Variants in MAPK6 observed in about 807,000 individuals in gnomAD.
MAPK6 encodes mitogen-activated protein kinase 6.
MAPK6 carries 19 observed loss-of-function variants against 59.3 expected under a neutral mutation model. The observed-to-expected ratio is 0.32, with a 90% CI of 0.22 to 0.47. MAPK6 has a LOEUF of 0.47. MAPK6 is among the 20% of genes least tolerant of loss of function. The probability of loss-of-function intolerance (pLI) is 1.00; values close to 1 mark genes in which losing one functional copy is unlikely to be tolerated. For missense variants in MAPK6, 724 were observed against 847.9 expected (o/e 0.85, Z 1.81); for synonymous variants, 316 against 290.3 (o/e 1.09, Z -0.90).
chr15:52,030,767 C>G (rs1222004562), intron 1 of MAPK6, among the ~76,000 whole-genome samples: 2 of 151,156 alleles, frequency 1.3e-5, no homozygotes, highest in Non-Finnish European at 2.9e-5. Flanking sequence ...GCTGGGACTA[C>G]AGGCGTGTGC....
At position 52,064,252 on chromosome 15, in the gene MAPK6, T is replaced by C; in HGVS notation, c.1418T>C (p.Ile473Thr). Reference protein sequence around the residue: ...EVNHYYEPKLIIDLSNWKEQS... With the variant: ...EVNHYYEPKLTIDLSNWKEQS... ...AACCATTACTATGAACCCAAGCTTA[T>C]TATAGATCTTTCCAATTGGAAAGAA... The change falls in exon 6 of 6, where the codon ATT becomes ACT. Residue 473 changes from isoleucine (I) to threonine (T), a missense_variant. Around this residue, in one of 4 missense-constraint regions of MAPK6, gnomAD observed 502 missense variants for 507.6 expected, o/e 0.99. Transcript: ENST00000261845. 6.2e-7 allele frequency: 1 copy of C among 1,610,940 alleles called. No homozygotes were observed.
At chr15:51,976,266 CAAA>C (rs774556505) in intron 1 of MAPK6, among the ~76,000 whole-genome samples, 4 of 45,178 alleles carry the variant, frequency 8.9e-5, no homozygotes, top group Non-Finnish European at 1.5e-4. Context: ...ACTCCCATCT[CAAA>C]AAAAAAAAAA....
At chr15:52,042,839 C>T (rs1044930641) in intron 1 of MAPK6, 1 of 152,110 alleles carries the variant, frequency 6.6e-6, no homozygotes, top group Non-Finnish European at 1.5e-5. Flanking sequence ...AGAAGGTAAG[C>T]GTGAACAAGC....
In MAPK6 at chr15:52,064,980, A is replaced by G; in HGVS notation, c.2146A>G (p.Ile716Val). 3 of 1,608,080 alleles carry G rather than the reference A, an allele frequency of 1.9e-6. No homozygotes were observed. The highest frequency in any genetic ancestry group is 2.5e-6 in the Non-Finnish European group (3 of 1,176,774). ...AATTCCTCATCAAACATACAGCAGCATTCTGAAACATCTGAACTAAAACAC... is the reference window on the plus strand; with the variant it reads ...AATTCCTCATCAAACATACAGCAGCGTTCTGAAACATCTGAACTAAAACAC... ...PQIPHQTYSS[I>V]LKHLN The change falls in exon 6 of 6, where the codon ATT becomes GTT. Residue 716 changes from isoleucine to valine, a missense_variant. Coordinates refer to ENST00000261845, the MANE Select transcript of MAPK6 (RefSeq NM_002748.4).
intron 3 of MAPK6, among the ~76,000 whole-genome samples, chr15:52,054,818 C>T (rs755131077): frequency 5.9e-5 from 9 of 151,926 alleles, no homozygotes; most frequent in African/African-American, 1.9e-4. Context: ...GAGTCTTCCT[C>T]TTGTTGCCTA....
At chr15:52,011,824 TACA>T (rs1184957433) in intron 3 of MAPK6, among the ~76,000 whole-genome samples, 1 of 152,238 alleles carries the variant, frequency 6.6e-6, no homozygotes, top group Non-Finnish European at 1.5e-5. Context: ...CAAATCAAAT[TACA>T]ACGTGTTCTT....
At chr15:51,975,292 C>T (rs955684678) in intron 1 of MAPK6, among the ~76,000 whole-genome samples, 1 of 151,700 alleles carries the variant, frequency 6.6e-6, no homozygotes, top group Non-Finnish European at 1.5e-5. Context: ...CCTGTAATCC[C>T]AGCACTTTGG....
At chr15:52,005,250 T>A (rs954096896) in intron 3 of MAPK6, among the ~76,000 whole-genome samples, 8 of 152,042 alleles carry the variant, frequency 5.3e-5, no homozygotes, top group Non-Finnish European at 8.8e-5. Flanking sequence ...CTGGGCCAGG[T>A]GCGGTGGCTC....
At position 52,048,101 on chromosome 15, in the gene MAPK6, A is replaced by G. The variant is rs367782719; in HGVS notation, c.555+1086A>G. On this transcript the variant is annotated intron_variant, in intron 2 of 5. Transcript: ENST00000261845. Reference sequence around the variant, plus strand: ...TGTTAGCTTTCCACAGTACATGCCTAAGACAAATCTTCATACATGTTGTTT... The same window carrying G: ...TGTTAGCTTTCCACAGTACATGCCTGAGACAAATCTTCATACATGTTGTTT... 1.4e-4 allele frequency among the ~76,000 whole-genome samples: 21 copies of G among 152,286 alleles called. No individual in the cohort carries two copies. The East Asian group carries it at 4.1e-3, about 29-fold the overall frequency.
At chr15:51,991,654 T>C (rs1020481724) in intron 2 of MAPK6, among the ~76,000 whole-genome samples, 1 of 152,196 alleles carries the variant, frequency 6.6e-6, no homozygotes, top group African/African-American at 2.4e-5. Flanking sequence ...GGCTATGTCA[T>C]AGATACATAC....
chr15:51,996,266 T>G (rs2057223973), intron 2 of MAPK6, among the ~76,000 whole-genome samples: 1 of 152,222 alleles, frequency 6.6e-6, no homozygotes, highest in Non-Finnish European at 1.5e-5. Flanking sequence ...CCGCCAAGAT[T>G]GTTGGTCTAC....
At chr15:52,060,413 A>G (rs2032154460) in intron 4 of MAPK6, among the ~76,000 whole-genome samples, 2 of 152,190 alleles carry the variant, frequency 1.3e-5, no homozygotes, top group South Asian at 2.1e-4. Flanking sequence ...TGAGAATGAT[A>G]AAGAAGACCG....
At chr15:51,994,880 A>G (rs1240605474) in intron 2 of MAPK6, among the ~76,000 whole-genome samples, 1 of 152,262 alleles carries the variant, frequency 6.6e-6, no homozygotes, top group Non-Finnish European at 1.5e-5. Context: ...TATCAAAGTC[A>G]TAGAAGTAAA....
At chr15:52,051,182 C>G (rs746610144) in intron 3 of MAPK6, among the ~76,000 whole-genome samples, 1 of 152,084 alleles carries the variant, frequency 6.6e-6, no homozygotes, top group Non-Finnish European at 1.5e-5. Flanking sequence ...CTCAGCCTCC[C>G]GAGTAGCTGG....
At chr15:51,988,179 G>A (rs1195732843) in intron 2 of MAPK6, among the ~76,000 whole-genome samples, 2 of 152,008 alleles carry the variant, frequency 1.3e-5, no homozygotes, top group Non-Finnish European at 2.9e-5. Context: ...GCCACTAAAT[G>A]TTTATTAAAT....
At chr15:52,044,725 G>A (rs2031543581) in intron 1 of MAPK6, among the ~76,000 whole-genome samples, 3 of 151,902 alleles carry the variant, frequency 2.0e-5, no homozygotes, top group Middle Eastern at 3.4e-3. Flanking sequence ...ATTTTTTAAA[G>A]TATGAAATAT....
Position 52,064,850 on chromosome 15 carries a change from G to T in MAPK6, c.2016G>T (p.Lys672Asn). 1.2e-6 allele frequency: 2 copies of T among 1,611,974 alleles called. No individual in the cohort carries two copies. The highest frequency in any genetic ancestry group is 1.7e-6 in the Non-Finnish European group (2 of 1,179,830). The change falls in exon 6 of 6, where the codon AAG (lysine) becomes AAT (asparagine). Residue 672 changes from lysine (K) to asparagine (N), a missense_variant. By Grantham distance (94) the Lys-to-Asn change is moderately conservative. Coordinates refer to ENST00000261845, the MANE Select transcript of MAPK6 (RefSeq NM_002748.4). ...ACAGTGGGGAGTTCCTCTTTAACAA[G>T]CAGCTCGAGTCCATAGGCATCCCAC... ...LNNSGEFLFN[K>N]QLESIGIPQF... is the part of the protein sequence containing the mutation.
At chr15:52,014,375 T>C (rs2141835466), upstream of MAPK6, among the ~76,000 whole-genome samples, 1 of 152,286 alleles carries the variant, frequency 6.6e-6, no homozygotes, top group South Asian at 2.1e-4. Context: ...ATAAACTATA[T>C]ATGTCATCAA....
At chr15:52,044,834 T>A (rs2031547288) in intron 1 of MAPK6, among the ~76,000 whole-genome samples, 1 of 151,982 alleles carries the variant, frequency 6.6e-6, no homozygotes. Context: ...TTAAAATAAA[T>A]AACACATTAA....
Sources: gnomAD v4.1 joint callset for allele counts (sites outside exome capture counted in the v4.1 genomes callset) on GRCh38, gnomAD v4.1.1 for gene constraint, gnomAD v4.1.1 regional missense constraint, MANE v1.5 for transcripts, NCBI Gene and HGNC (gene_info 2026-07-23, HGNC 2026-07-21) for gene names.